Variants in SHTN1 observed in about 807,000 individuals in gnomAD.
SHTN1 encodes shootin-1.
A neutral mutation model predicts 83.1 loss-of-function variants in SHTN1; 42 were observed. The observed-to-expected ratio is 0.51, with a 90% CI of 0.39 to 0.65. SHTN1 has a LOEUF of 0.65. Ranked by LOEUF, SHTN1 falls within the 30% of genes least tolerant of loss-of-function variation. The probability of loss-of-function intolerance (pLI) is 0.00; values close to 1 mark genes in which losing one functional copy is unlikely to be tolerated. For synonymous variants in SHTN1, 224 were observed against 247.7 expected, an observed-to-expected ratio of 0.90 and a Z score of 0.90; for missense variants, 622 against 737.8, an observed-to-expected ratio of 0.84 and a Z score of 1.82.
rs775388229 is a variant in SHTN1, at chr10:116,886,531, A to T, written c.1709T>A (p.Ile570Asn). The change falls in exon 17 of 17, where the codon ATT becomes AAT. Residue 570 changes from isoleucine to asparagine, a missense_variant. Ile to Asn is a moderately radical substitution (Grantham distance 149). Around this residue, in one of 3 missense-constraint regions of SHTN1, gnomAD observed 231 missense variants for 251.6 expected, o/e 0.92. Coordinates refer to ENST00000355371, the MANE Select transcript of SHTN1 (RefSeq NM_001127211.3). The stretch of plus-strand genomic sequence containing the variant: ...TGGTTCGGCTTGTTTTTCACCGTCA[A>T]TGTATTTTTTCCTGCATCCAATGCT... Reference protein sequence around the residue: ...PSSIGCRKKYIDGEKQAEPVV... With the variant: ...PSSIGCRKKYNDGEKQAEPVV... The T allele has an allele frequency of 4.3e-6, 7 of 1,614,072 alleles. No individual in the cohort carries two copies. The highest frequency in any genetic ancestry group is 5.1e-6 in the Non-Finnish European group (6 of 1,180,042).
At position 117,039,572 on chromosome 10, in the gene SHTN1, C is replaced by T. The variant is rs561627129; in HGVS notation, c.-123+8873G>A. Among the ~76,000 whole-genome samples, 9 of 152,058 alleles carry T rather than the reference C, an allele frequency of 5.9e-5. No individual in the cohort carries two copies. The South Asian group carries it at 1.5e-3, about 25-fold the overall frequency. On this transcript the variant is annotated intron_variant, in intron 2 of 17. Coordinates refer to the SHTN1 transcript ENST00000392901. ...AGGGGATGTTAAAAATGGGGAATCT[C>T]GGCCGGGCGCAGTGGCTCACGCCTA...
At chr10:116,986,613 G>C (rs1589870887) in intron 1 of SHTN1, among the ~76,000 whole-genome samples, 1 of 152,044 alleles carries the variant, frequency 6.6e-6, no homozygotes, top group East Asian at 1.9e-4. Context: ...ACAGAGTGCA[G>C]TGGCTCAACC....
intron 1 of SHTN1, among the ~76,000 whole-genome samples, chr10:117,107,608 G>C (rs1053613958): frequency 6.6e-6 from 1 of 152,108 alleles, no homozygotes; most frequent in Non-Finnish European, 1.5e-5. Context: ...TATAATATTA[G>C]GATGAAAGCC....
chr10:117,006,992 T>C (rs1312412752), upstream of SHTN1, among the ~76,000 whole-genome samples: 1 of 152,096 alleles, frequency 6.6e-6, no homozygotes, highest in Non-Finnish European at 1.5e-5. Flanking sequence ...AGGGGTAGAA[T>C]GATCTAAAAG....
chr10:117,042,500 A>G (rs1852597058), intron 2 of SHTN1, among the ~76,000 whole-genome samples: 1 of 152,202 alleles, frequency 6.6e-6, no homozygotes, highest in Non-Finnish European at 1.5e-5. Flanking sequence ...ACTTCTGTAG[A>G]TATAAAGATA....
intron 3 of SHTN1, among the ~76,000 whole-genome samples, chr10:116,967,907 G>C (rs1850455740): frequency 6.6e-6 from 1 of 152,144 alleles, no homozygotes; most frequent in Non-Finnish European, 1.5e-5. Flanking sequence ...GTACAGGCTG[G>C]GCGCAGTGGC....
intron 2 of SHTN1, among the ~76,000 whole-genome samples, chr10:117,046,576 A>G (rs760625021): frequency 6.6e-6 from 1 of 152,240 alleles, no homozygotes; most frequent in South Asian, 2.1e-4. Context: ...ATGAATATTC[A>G]TAGTAGTATT....
At chr10:117,041,300 A>G (rs1000433224) in intron 2 of SHTN1, among the ~76,000 whole-genome samples, 3 of 152,154 alleles carry the variant, frequency 2.0e-5, no homozygotes, top group African/African-American at 7.2e-5. Flanking sequence ...TGAAATGCCA[A>G]AGGAAATTCA....
At chr10:116,921,365 T>C (rs556072009) in intron 12 of SHTN1, 69 bp downstream of exon 12, 35 of 1,120,460 alleles carry the variant, frequency 3.1e-5, no homozygotes, top group Non-Finnish European at 4.4e-5. Context: ...TCAAAGAACT[T>C]AACAAATATG....
intron 1 of SHTN1, among the ~76,000 whole-genome samples, chr10:117,083,175 G>A (rs1488940319): frequency 6.2e-5 from 9 of 145,604 alleles, no homozygotes; most frequent in Admixed American, 2.1e-4. Context: ...GGCTGGTACC[G>A]GTTGTTCCTT....
intron 1 of SHTN1, among the ~76,000 whole-genome samples, chr10:117,125,203 T>A (rs1198726222): frequency 2.6e-5 from 4 of 152,186 alleles, no homozygotes; most frequent in Non-Finnish European, 5.9e-5. Flanking sequence ...CCCAGGCAGC[T>A]ACCATCAAAT....
chr10:116,894,099 A>G (rs1308707395), intron 16 of SHTN1, among the ~76,000 whole-genome samples: 1 of 152,118 alleles, frequency 6.6e-6, no homozygotes, highest in Non-Finnish European at 1.5e-5. Context: ...TTTTTCTTTC[A>G]TGGAAATGTT....
intron 16 of SHTN1, among the ~76,000 whole-genome samples, chr10:116,897,711 C>G (rs1847572367): frequency 6.6e-6 from 1 of 152,078 alleles, no homozygotes; most frequent in South Asian, 2.1e-4. Context: ...ATTTACACAC[C>G]AGGAAATTCA....
chr10:117,065,411 G>A (rs191636510), intron 1 of SHTN1, among the ~76,000 whole-genome samples: 15 of 152,144 alleles, frequency 9.9e-5, no homozygotes, highest in East Asian at 2.0e-4. Flanking sequence ...ATTAGGCTGG[G>A]TGTGGTGGCT....
intron 1 of SHTN1, among the ~76,000 whole-genome samples, chr10:116,986,155 C>CG: frequency 6.6e-6 from 1 of 152,148 alleles, no homozygotes; most frequent in East Asian, 1.9e-4. Flanking sequence ...AAAATACACA[C>CG]ATAAGTCTGA....
At chr10:117,120,596 G>A (rs576166975) in intron 1 of SHTN1, among the ~76,000 whole-genome samples, 339 of 151,964 alleles carry the variant, frequency 2.2e-3, no homozygotes, top group African/African-American at 7.8e-3. Context: ...AACATCTCAT[G>A]TATCCCATAA....
chr10:116,940,201 C>T (rs917853125), intron 9 of SHTN1, among the ~76,000 whole-genome samples: 2 of 152,108 alleles, frequency 1.3e-5, no homozygotes, highest in Non-Finnish European at 2.9e-5. Context: ...TTAAGTTATA[C>T]CTCTTTCCCT....
At chr10:117,004,877 C>A in intron 1 of SHTN1, 145 bp downstream of exon 1, 1 of 649,304 alleles carries the variant, frequency 1.5e-6, no homozygotes, top group South Asian at 2.3e-5. Flanking sequence ...GAGGACGCTT[C>A]TCTGCGGGTG....
intron 1 of SHTN1, among the ~76,000 whole-genome samples, chr10:117,064,039 T>A (rs1036385437): frequency 3.3e-5 from 5 of 152,224 alleles, no homozygotes; most frequent in African/African-American, 1.2e-4. Flanking sequence ...TTATGAAAAC[T>A]TCTCTCTGGT....
Sources: gnomAD v4.1 joint callset for allele counts (sites outside exome capture counted in the v4.1 genomes callset) on GRCh38, gnomAD v4.1.1 for gene constraint, gnomAD v4.1.1 regional missense constraint, MANE v1.5 for transcripts, NCBI Gene and HGNC (gene_info 2026-07-23, HGNC 2026-07-21) for gene names.